Variants in TTLL7 observed in about 807,000 individuals in gnomAD.
TTLL7 encodes tubulin tyrosine ligase like 7, also known as tubulin polyglutamylase TTLL7.
TTLL7 carries 53 observed loss-of-function variants against 120.2 expected under a neutral mutation model. The ratio of observed to expected loss-of-function variants is 0.44; its 90% CI spans 0.35 to 0.55. The LOEUF (loss-of-function observed/expected upper bound fraction) is 0.55, where lower values mean the gene tolerates loss of function less well. TTLL7 is among the 20% of genes least tolerant of loss of function. The pLI is 0.00. For missense variants in TTLL7, 803 were observed against 1,054.7 expected, an observed-to-expected ratio of 0.76 and a Z score of 3.31; for synonymous variants, 353 against 351.7, an observed-to-expected ratio of 1.00 and a Z score of -0.04.
At chr1:83,986,411 A>C (rs1439674500) in intron 1 of TTLL7, among the ~76,000 whole-genome samples, 1 of 152,246 alleles carries the variant, frequency 6.6e-6, no homozygotes. Context: ...ATTTGATGTA[A>C]TCCAACATTC....
intron 1 of TTLL7, among the ~76,000 whole-genome samples, chr1:83,978,633 T>G (rs147089788): frequency 6.6e-4 from 100 of 152,308 alleles, no homozygotes; most frequent in Non-Finnish European, 1.2e-3. Flanking sequence ...CTGATTTTTA[T>G]AACTCATTTA....
At chr1:83,974,969 G>A (rs1431178515) in intron 1 of TTLL7, among the ~76,000 whole-genome samples, 5 of 151,950 alleles carry the variant, frequency 3.3e-5, no homozygotes, top group Non-Finnish European at 7.4e-5. Context: ...TCTGTAATAA[G>A]CAGTGCTCTC....
intron 1 of TTLL7, among the ~76,000 whole-genome samples, chr1:83,968,802 T>C (rs955273754): frequency 1.3e-5 from 2 of 152,074 alleles, no homozygotes; most frequent in Non-Finnish European, 2.9e-5. Flanking sequence ...GTGGTAACTT[T>C]TAAGGATATC....
intron 10 of TTLL7, among the ~76,000 whole-genome samples, chr1:83,924,381 C>T (rs756400265): frequency 1.3e-5 from 2 of 152,144 alleles, no homozygotes; most frequent in African/African-American, 2.4e-5. Flanking sequence ...AATGTTATTC[C>T]GCCTTAAAAA....
intron 1 of TTLL7, among the ~76,000 whole-genome samples, chr1:83,991,027 A>T (rs1457942202): frequency 6.6e-6 from 1 of 152,200 alleles, no homozygotes; most frequent in Non-Finnish European, 1.5e-5. Flanking sequence ...AAACTAAGGA[A>T]ATTCTGACAT....
rs533478158 is a variant in TTLL7, at chr1:83,968,010, C to T, written c.-176-15623G>A. 1.7e-4 allele frequency among the ~76,000 whole-genome samples: 26 copies of T among 152,068 alleles called. 1 individual carries two copies. Among genetic ancestry groups the T allele is most frequent in the African/African-American group, 6.0e-4 (25 of 41,500 alleles). ...GTCGGGATGGCATTTTAACCTGCAG[C>T]CGTTCCCACACACCACCACCCTCCA... On this transcript the variant is annotated intron_variant, in intron 1 of 20. Coordinates refer to ENST00000260505, the MANE Select transcript of TTLL7 (RefSeq NM_024686.6).
intron 20 of TTLL7, among the ~76,000 whole-genome samples, chr1:83,875,623 AG>A (rs1477386682): frequency 1.3e-5 from 2 of 151,932 alleles, no homozygotes; most frequent in Non-Finnish European, 2.9e-5. Context: ...CTTTACAAGC[AG>A]GGTAAGAGAG....
chr1:83,993,466 T>G (rs1469143523), intron 1 of TTLL7, among the ~76,000 whole-genome samples: 2 of 152,104 alleles, frequency 1.3e-5, no homozygotes, highest in South Asian at 4.1e-4. Context: ...GAGATGAAAA[T>G]TTTCTAAATA....
chr1:83,909,299 G>T (rs4907189), intron 15 of TTLL7, among the ~76,000 whole-genome samples: 56,409 of 123,748 alleles, frequency 0.46, 13,273 homozygotes, highest in Admixed American at 0.55. Flanking sequence ...GCCTACACAT[G>T]CTAGAAATTC....
At chr1:83,947,593 T>A (rs1261680278) in intron 5 of TTLL7, 6 of 206,532 alleles carry the variant, frequency 2.9e-5, no homozygotes, top group African/African-American at 9.5e-5. Context: ...GATAGTAAGA[T>A]AAATTAGTAT....
At chr1:83,936,603 ATT>A (rs1421336899) in intron 8 of TTLL7, among the ~76,000 whole-genome samples, 1 of 152,204 alleles carries the variant, frequency 6.6e-6, no homozygotes, top group Non-Finnish European at 1.5e-5. Context: ...TAAATGCAGC[ATT>A]GTTATGATCC....
intron 20 of TTLL7, among the ~76,000 whole-genome samples, chr1:83,881,724 C>A (rs1426715226): frequency 1.3e-5 from 2 of 151,268 alleles, no homozygotes; most frequent in African/African-American, 4.9e-5. Context: ...TTGACCCAGC[C>A]ATCCCATTAC....
chr1:83,914,322 T>TC (rs1219033454), intron 14 of TTLL7, among the ~76,000 whole-genome samples: 2 of 112,952 alleles, frequency 1.8e-5, no homozygotes, highest in Non-Finnish European at 3.6e-5. Context: ...CCTCTCTCTC[T>TC]CTTTTTTTTT....
chr1:83,916,250 A>C (rs1038913990), intron 14 of TTLL7, among the ~76,000 whole-genome samples: 1 of 152,232 alleles, frequency 6.6e-6, no homozygotes, highest in African/African-American at 2.4e-5. Flanking sequence ...CCAAATGTTC[A>C]ACAATGATAG....
intron 19 of TTLL7, among the ~76,000 whole-genome samples, chr1:83,888,118 T>C (rs894992666): frequency 6.6e-5 from 10 of 152,162 alleles, no homozygotes; most frequent in African/African-American, 2.4e-4. Context: ...CTTTAGGGTC[T>C]GGTGTTGGAG....
chr1:83,976,669 G>A (rs1056855269), intron 1 of TTLL7, among the ~76,000 whole-genome samples: 1 of 152,000 alleles, frequency 6.6e-6, no homozygotes, highest in African/African-American at 2.4e-5. Flanking sequence ...AAAGGAGAAG[G>A]AAGACAAACT....
At chr1:83,906,597 T>TCTTC in intron 16 of TTLL7, 134 bp from the exon 17 acceptor site, 2 of 1,305,688 alleles carry the variant, frequency 1.5e-6, no homozygotes, top group Non-Finnish European at 2.1e-6. Context: ...AAGAAAATTT[T>TCTTC]CTTTTACACT....
chr1:83,870,793 C>A (rs572159401), intron 20 of TTLL7, among the ~76,000 whole-genome samples: 1 of 151,588 alleles, frequency 6.6e-6, no homozygotes, highest in East Asian at 2.0e-4. Flanking sequence ...GCCTGTAATC[C>A]CAGCCACTTG....
At chr1:83,870,110 T>C in intron 20 of TTLL7, 28 bp from the exon 21 acceptor site, 1 of 1,533,220 alleles carries the variant, frequency 6.5e-7, no homozygotes, top group Non-Finnish European at 8.7e-7. Context: ...CAAATTAGAT[T>C]TTTACAAGCA....
Sources: gnomAD v4.1 joint callset for allele counts (sites outside exome capture counted in the v4.1 genomes callset) on GRCh38, gnomAD v4.1.1 for gene constraint, MANE v1.5 for transcripts, NCBI Gene and HGNC (gene_info 2026-07-23, HGNC 2026-07-21) for gene names.